Variants in PRKD3 observed in about 807,000 individuals in gnomAD.
PRKD3 encodes protein kinase D3.
Under a neutral mutation model 99.2 loss-of-function variants are expected in PRKD3, and 47 were observed. The ratio of observed to expected loss-of-function variants is 0.47; its 90% CI spans 0.38 to 0.60. The LOEUF is 0.60. PRKD3 is among the 20% of genes least tolerant of loss of function. The pLI, the probability that PRKD3 is intolerant of heterozygous loss-of-function variation, is 0.00. For synonymous variants in PRKD3, 392 were observed against 355.4 expected (o/e 1.10, Z -1.16); for missense variants, 1,019 against 1,088.4 (o/e 0.94, Z 0.90).
At chr2:37,259,145 T>G (rs1490081353) in intron 16 of PRKD3, among the ~76,000 whole-genome samples, 4 of 152,142 alleles carry the variant, frequency 2.6e-5, no homozygotes. Flanking sequence ...GTATGTGTGG[T>G]GATGAGAAAT....
chr2:37,298,212 C>T (rs1670757699), intron 2 of PRKD3, among the ~76,000 whole-genome samples: 2 of 152,148 alleles, frequency 1.3e-5, no homozygotes, highest in African/African-American at 4.8e-5. Context: ...CACCCATGCC[C>T]TAGCTGCCTC....
At chr2:37,295,669 T>C (rs1670643960) in intron 2 of PRKD3, among the ~76,000 whole-genome samples, 1 of 152,226 alleles carries the variant, frequency 6.6e-6, no homozygotes, top group South Asian at 2.1e-4. Flanking sequence ...AGTTATAGGC[T>C]GGCTTTATAG....
At chr2:37,272,297 C>G in intron 12 of PRKD3, 83 bp downstream of exon 12, 1 of 1,551,654 alleles carries the variant, frequency 6.4e-7, no homozygotes, top group Non-Finnish European at 8.7e-7. Context: ...GGCGATGAAC[C>G]AATTTCTCTA....
chr2:37,272,529 T>A (rs1257021782), intron 11 of PRKD3, 97 bp from the exon 12 acceptor site: 3 of 1,422,436 alleles, frequency 2.1e-6, no homozygotes, highest in Non-Finnish European at 2.8e-6. Flanking sequence ...TTAAAAAGTT[T>A]AGCACACAGT....
At chr2:37,257,060 G>A in intron 16 of PRKD3, 131 bp from the exon 17 acceptor site, 1 of 1,025,734 alleles carries the variant, frequency 9.7e-7, no homozygotes, top group Non-Finnish European at 1.4e-6. Context: ...ATTAATCACA[G>A]ATAAGGAAAT....
intron 7 of PRKD3, among the ~76,000 whole-genome samples, chr2:37,281,926 C>G (rs1669874018): frequency 6.6e-6 from 1 of 151,854 alleles, no homozygotes; most frequent in Non-Finnish European, 1.5e-5. Flanking sequence ...TTAGTATTAT[C>G]TTGAAAAGAA....
Position 37,277,394 on chromosome 2 carries a change from C to T in PRKD3, c.1296+472G>A, listed in dbSNP as rs78318255. Among the ~76,000 whole-genome samples the T allele has an allele frequency of 5.1e-3, 775 of 152,264 alleles. 10 individuals carry two copies. Among genetic ancestry groups the T allele is most frequent in the African/African-American group, 0.017 (706 of 41,562 alleles). On this transcript the variant is annotated intron_variant, in intron 9 of 18. Transcript: ENST00000234179. ...GTCTGTGTTCTTAGTTATTACACTA[C>T]GCTGATTCTTCAAATCTATTGTCTT...
intron 14 of PRKD3, among the ~76,000 whole-genome samples, chr2:37,264,011 A>G (rs2148507845): frequency 6.6e-6 from 1 of 152,232 alleles, no homozygotes; most frequent in East Asian, 1.9e-4. Context: ...AGAACACCAC[A>G]CCTTTTCTCC....
chr2:37,301,691 A>C (rs900479518), intron 2 of PRKD3, among the ~76,000 whole-genome samples: 4 of 152,170 alleles, frequency 2.6e-5, no homozygotes, highest in African/African-American at 9.7e-5. Context: ...TATTCTTCAA[A>C]ATACAATTCT....
At chr2:37,259,828 A>C (rs1668269122) in intron 15 of PRKD3, 147 bp from the exon 16 acceptor site, 1 of 610,142 alleles carries the variant, frequency 1.6e-6, no homozygotes, top group Admixed American at 3.1e-5. Context: ...AAGGTTAACA[A>C]TTCCCACAAT....
At position 37,274,424 on chromosome 2, in the gene PRKD3, G is replaced by T. The variant is rs766000246; in HGVS notation, c.1648C>A (p.His550Asn). The T allele has an allele frequency of 6.2e-7, 1 of 1,614,040 alleles. No homozygotes were observed. Among genetic ancestry groups the T allele is most frequent in the Non-Finnish European group, 8.5e-7 (1 of 1,179,956 alleles). The change falls in exon 11 of 19, where the codon CAC becomes AAC. Residue 550 changes from histidine to asparagine, a missense_variant. Physicochemically the swap from His to Asn is moderately conservative, Grantham distance 68. This residue lies in a region of PRKD3 where 710 missense variants were observed against 692.7 expected (regional missense o/e 1.02). Coordinates refer to ENST00000234179, the MANE Select transcript of PRKD3 (RefSeq NM_005813.6). ...CATCAAGAAGTTTATTGCTTACTGT[G>T]ATCTTTCCCTTGCCCTGGAGAAGTG... Reference protein sequence around the residue: ...VCTSPGQGKDHKDLSTSISVS... With the variant: ...VCTSPGQGKDNKDLSTSISVS...
intron 14 of PRKD3, among the ~76,000 whole-genome samples, chr2:37,266,766 G>A (rs1668871712): frequency 6.6e-6 from 1 of 152,062 alleles, no homozygotes; most frequent in Non-Finnish European, 1.5e-5. Flanking sequence ...GGGATTATAG[G>A]TGCGCACCAC....
intron 14 of PRKD3, 149 bp from the exon 15 acceptor site, chr2:37,260,533 A>C: frequency 1.2e-5 from 9 of 770,804 alleles, no homozygotes; most frequent in Non-Finnish European, 1.7e-5. Flanking sequence ...AATCAATGAA[A>C]AGGATCTTAG....
At position 37,267,503 on chromosome 2, in the gene PRKD3, A is replaced by G. The variant is rs1473723501; in HGVS notation, c.1811T>C (p.Ile604Thr). The G allele has an allele frequency of 5.0e-6, 8 of 1,611,366 alleles. No individual in the cohort carries two copies. The South Asian group carries it at 5.5e-5, about 11-fold the overall frequency. Reference protein sequence around the residue: ...KHRKTGRDVAIKVIDKMRFPT... With the variant: ...KHRKTGRDVATKVIDKMRFPT... ...GAATCTCATCTTATCAATTACTTTA[A>G]TAGCCACATCCCTCCCAGTCTTTCT... is the stretch of plus-strand genomic sequence containing the variant. The change falls in exon 14 of 19, where the codon ATT becomes ACT. Residue 604 changes from isoleucine (I) to threonine (T), a missense_variant. Physicochemically the swap from Ile to Thr is moderately conservative, Grantham distance 89 (BLOSUM62 -1). This residue lies in a region of PRKD3 where 184 missense variants were observed against 275.1 expected (regional missense o/e 0.67). Transcript: ENST00000234179.
Position 37,316,734 on chromosome 2 carries a change from T to C in PRKD3, c.-210A>G. On this transcript the variant is annotated 5_prime_UTR_variant, in exon 2 of 19. Coordinates refer to ENST00000234179, the MANE Select transcript of PRKD3 (RefSeq NM_005813.6). Reference sequence around the variant, plus strand: ...AAGGTCCTATTTCTCTTAATATCAGTCCCATCAAAAAGCAGTCTTGTCTGT... The same window carrying C: ...AAGGTCCTATTTCTCTTAATATCAGCCCCATCAAAAAGCAGTCTTGTCTGT... 7.2e-7 allele frequency: 1 copy of C among 1,394,516 alleles called. No homozygotes were observed. The highest frequency in any genetic ancestry group is 9.3e-7 in the Non-Finnish European group (1 of 1,079,892). 86.4% of individuals were successfully genotyped at this position (1,394,516 alleles called of 1,614,324 possible).
intron 17 of PRKD3, 81 bp from the exon 18 acceptor site, chr2:37,254,370 AACC>A: frequency 9.6e-7 from 1 of 1,043,588 alleles, no homozygotes; most frequent in Non-Finnish European, 1.5e-6. Context: ...AAGGCAGTTC[AACC>A]CATAGAAATA....
At chr2:37,275,198 A>G (rs1669506181) in intron 10 of PRKD3, among the ~76,000 whole-genome samples, 1 of 152,156 alleles carries the variant, frequency 6.6e-6, no homozygotes, top group Non-Finnish European at 1.5e-5. Flanking sequence ...GGCAAAAAAA[A>G]AAACTTACTA....
chr2:37,277,728 C>A, intron 9 of PRKD3, 138 bp downstream of exon 9: 1 of 849,232 alleles, frequency 1.2e-6, no homozygotes, highest in South Asian at 3.1e-5. Context: ...ACTATAATTC[C>A]AGTGCATCTT....
chr2:37,322,410 C>T (rs1028578938), intron 1 of PRKD3, among the ~76,000 whole-genome samples: 3 of 152,232 alleles, frequency 2.0e-5, no homozygotes, highest in African/African-American at 7.2e-5. Context: ...CTCTAAAATT[C>T]TGCTCATCTG....
Sources: allele counts gnomAD v4.1 joint callset (sites outside exome capture counted in the v4.1 genomes callset), GRCh38; gene constraint gnomAD v4.1.1; regional missense constraint gnomAD v4.1.1; transcripts MANE v1.5; gene names NCBI Gene and HGNC (gene_info 2026-07-23, HGNC 2026-07-21).